The following CPS1 variants were observed in gnomAD, a reference collection of about 807,000 sequenced individuals.
CPS1 encodes carbamoyl-phosphate synthase 1, also known as carbamoyl-phosphate synthase [ammonia], mitochondrial.
In CPS1, 109 loss-of-function variants were observed where a neutral mutation model predicts 174.6. The observed-to-expected ratio is 0.62, with a 90% CI of 0.53 to 0.73. CPS1 has a LOEUF of 0.73. Among genes scored for constraint, CPS1 ranks in the 30% least tolerant of loss-of-function variants. The pLI is 0.00. For missense variants in CPS1, 1,689 were observed against 1,821.9 expected, an observed-to-expected ratio of 0.93 and a Z score of 1.33; for synonymous variants, 637 against 632.0, an observed-to-expected ratio of 1.01 and a Z score of -0.12.
intron 1 of CPS1, among the ~76,000 whole-genome samples, chr2:210,547,103 T>G (rs1044525046): frequency 1.3e-5 from 2 of 152,084 alleles, no homozygotes; most frequent in Non-Finnish European, 2.9e-5. Flanking sequence ...CACACCATTG[T>G]GTTTGCCTAA....
rs1701591214 is a variant in CPS1, at chr2:210,678,046, CT to C, written c.*62del. 1 of 1,229,814 alleles carries C rather than the reference CT, an allele frequency of 8.1e-7. No homozygotes were observed. The highest frequency in any genetic ancestry group is 1.2e-6 in the Non-Finnish European group (1 of 829,316). 76.2% of individuals were successfully genotyped at this position (1,229,814 alleles called of 1,614,324 possible). On this transcript the variant is annotated 3_prime_UTR_variant, in exon 38 of 38. Coordinates refer to ENST00000233072, the MANE Select transcript of CPS1 (RefSeq NM_001875.5). ...CTGAGCCACATGTTATCTAAAGGAA[CT>C]GATTCACAACTTTCTCAGAGATGAA... is the stretch of plus-strand genomic sequence containing the variant.
At chr2:210,486,519 T>C (rs1195575969) in intron 1 of CPS1, among the ~76,000 whole-genome samples, 1 of 152,192 alleles carries the variant, frequency 6.6e-6, no homozygotes, top group Admixed American at 6.5e-5. Context: ...AAGCCTCTTT[T>C]CTTTTTTTGA....
At chr2:210,567,306 C>T (rs1376228981) in intron 1 of CPS1, among the ~76,000 whole-genome samples, 1 of 151,930 alleles carries the variant, frequency 6.6e-6, no homozygotes, top group East Asian at 1.9e-4. Flanking sequence ...CAAAGATGTA[C>T]CAGGATTATA....
chr2:210,505,212 G>A (rs1199493380), intron 1 of CPS1, among the ~76,000 whole-genome samples: 1 of 151,564 alleles, frequency 6.6e-6, no homozygotes, highest in Non-Finnish European at 1.5e-5. Context: ...CTATAATTAG[G>A]GCTCTGAAAT....
chr2:210,669,866 A>G (rs1332718445), intron 34 of CPS1, among the ~76,000 whole-genome samples: 2 of 152,188 alleles, frequency 1.3e-5, no homozygotes, highest in Non-Finnish European at 2.9e-5. Context: ...ACATCTTCAC[A>G]TCTAATCATA....
At chr2:210,664,636 G>A (rs1453049870) in intron 33 of CPS1, among the ~76,000 whole-genome samples, 2 of 152,102 alleles carry the variant, frequency 1.3e-5, no homozygotes, top group Non-Finnish European at 2.9e-5. Context: ...CTTTAGCATG[G>A]CAAATTTGTT....
intron 3 of CPS1, among the ~76,000 whole-genome samples, 163 bp downstream of exon 3, chr2:210,576,653 C>T (rs577889376): frequency 6.6e-6 from 1 of 152,170 alleles, no homozygotes. Flanking sequence ...TAATCTTTAA[C>T]TTGACAGTAT....
At chr2:210,661,165 T>C (rs1227114460) in intron 32 of CPS1, among the ~76,000 whole-genome samples, 3 of 152,216 alleles carry the variant, frequency 2.0e-5, no homozygotes, top group Admixed American at 2.0e-4. Flanking sequence ...GTTGTTGAAA[T>C]TGATGACACC....
chr2:210,622,626 C>G (rs1035550180), intron 21 of CPS1, among the ~76,000 whole-genome samples: 4 of 151,696 alleles, frequency 2.6e-5, no homozygotes, highest in African/African-American at 9.7e-5. Flanking sequence ...TTGGACTCCC[C>G]TTGCTATAAG....
At chr2:210,630,035 T>C (rs1699818514) in intron 21 of CPS1, among the ~76,000 whole-genome samples, 1 of 150,320 alleles carries the variant, frequency 6.7e-6, no homozygotes, top group African/African-American at 2.5e-5. Flanking sequence ...ATCCTGCCAC[T>C]GCACTCCAGC....
At chr2:210,552,739 G>A (rs1335555410), upstream of CPS1, among the ~76,000 whole-genome samples, 1 of 151,832 alleles carries the variant, frequency 6.6e-6, no homozygotes, top group East Asian at 1.9e-4. Context: ...ATAGACACAG[G>A]CTGTCAGTGT....
chr2:210,600,478 A>G (rs1698681659), intron 14 of CPS1, 77 bp from the exon 15 acceptor site: 1 of 1,358,658 alleles, frequency 7.4e-7, no homozygotes, highest in South Asian at 1.2e-5. Flanking sequence ...TTAAAAAAGT[A>G]GTTGTATTCA....
Position 210,668,212 on chromosome 2 carries a change from T to C in CPS1, c.4029T>C (p.His1343=), listed in dbSNP as rs1286982785. 1 of 1,613,748 alleles carries C rather than the reference T, an allele frequency of 6.2e-7. No homozygotes were observed. Among genetic ancestry groups the C allele is most frequent in the Non-Finnish European group, 8.5e-7 (1 of 1,179,798 alleles). The change falls in exon 34 of 38, where the codon CAT becomes CAC. Residue 1343 remains histidine, a synonymous_variant. Coordinates refer to ENST00000233072, the MANE Select transcript of CPS1 (RefSeq NM_001875.5). The part of the protein sequence containing the change: ...GEVACFGEGI[H]TAFLKAMLST... Reference sequence around the variant, plus strand: ...TGGCTTGCTTTGGTGAAGGTATTCATACAGCCTTCCTAAAGGCAATGCTTT... The same window carrying C: ...TGGCTTGCTTTGGTGAAGGTATTCACACAGCCTTCCTAAAGGCAATGCTTT...
intron 35 of CPS1, 71 bp downstream of exon 35, chr2:210,675,032 A>ATT: frequency 8.0e-7 from 1 of 1,257,126 alleles, no homozygotes; most frequent in Non-Finnish European, 1.2e-6. Context: ...ATTGCAGAAT[A>ATT]TTGGAAAAGA....
In CPS1 at chr2:210,481,209, T is replaced by G. The variant is rs892170135; in HGVS notation, c.3+3443T>G. Among the ~76,000 whole-genome samples, 11 of 152,216 alleles carry G rather than the reference T, an allele frequency of 7.2e-5. 1 individual carries two copies. The highest frequency in any genetic ancestry group is 2.7e-4 in the African/African-American group (11 of 41,456). The stretch of plus-strand genomic sequence containing the variant: ...TGTACAAACATTTAAGCTTTTTCCT[T>G]TCTCCACCTAACACTTGTGATGGGC... On this transcript the variant is annotated intron_variant, in intron 1 of 38. Coordinates refer to the CPS1 transcript ENST00000430249.
intron 1 of CPS1, among the ~76,000 whole-genome samples, chr2:210,505,502 G>T (rs1156420706): frequency 6.6e-6 from 1 of 152,132 alleles, no homozygotes; most frequent in Non-Finnish European, 1.5e-5. Flanking sequence ...TCCAACTGAG[G>T]TACTGGGTTC....
intron 31 of CPS1, among the ~76,000 whole-genome samples, chr2:210,659,724 A>G (rs1700853097): frequency 6.6e-6 from 1 of 152,206 alleles, no homozygotes; most frequent in Non-Finnish European, 1.5e-5. Flanking sequence ...AAGAAGGTAA[A>G]TTTGTAGAAA....
intron 11 of CPS1, chr2:210,593,411 G>A (rs375834668): frequency 3.6e-5 from 38 of 1,060,534 alleles, no homozygotes; most frequent in Middle Eastern, 4.6e-4. Context: ...TGTTGGAGGG[G>A]AGAGAGGGCA....
At chr2:210,649,561 G>T (rs538085153) in intron 27 of CPS1, among the ~76,000 whole-genome samples, 6 of 152,266 alleles carry the variant, frequency 3.9e-5, no homozygotes, top group African/African-American at 1.2e-4. Context: ...TGTATACATA[G>T]ATCAAAACAT....
Sources: gnomAD v4.1 joint callset for allele counts (sites outside exome capture counted in the v4.1 genomes callset) on GRCh38, gnomAD v4.1.1 for gene constraint, MANE v1.5 for transcripts, NCBI Gene and HGNC (gene_info 2026-07-23, HGNC 2026-07-21) for gene names.